Variants in BICRA observed in about 807,000 individuals in gnomAD.
BICRA encodes BRD4 interacting chromatin remodeling complex associated protein.
In BICRA, 31 loss-of-function variants were observed where a neutral mutation model predicts 96.9. That is an observed-to-expected ratio of 0.32 (90% CI 0.24 to 0.43). The LOEUF is 0.43. Ranked by LOEUF, BICRA falls within the 20% of genes least tolerant of loss-of-function variation. The pLI is 1.00. For synonymous variants in BICRA, 1,350 were observed against 1,071.8 expected (o/e 1.26, Z -5.07); for missense variants, 2,283 against 2,190.3 (o/e 1.04, Z -0.84).
intron 1 of BICRA, among the ~76,000 whole-genome samples, chr19:47,651,772 G>A (rs1485076222): frequency 6.6e-6 from 1 of 152,222 alleles, no homozygotes; most frequent in Admixed American, 6.5e-5. Context: ...GCACGAGAGG[G>A]TTGGGCAGAC....
At chr19:47,683,275 C>T (rs981097267) in intron 7 of BICRA, among the ~76,000 whole-genome samples, 13 of 151,944 alleles carry the variant, frequency 8.6e-5, no homozygotes, top group Middle Eastern at 3.4e-3. Flanking sequence ...TTTTTTCCCC[C>T]GCCCCCCGCA....
chr19:47,648,317 G>C (rs562393695), intron 1 of BICRA, among the ~76,000 whole-genome samples: 1 of 151,870 alleles, frequency 6.6e-6, no homozygotes, highest in Non-Finnish European at 1.5e-5. Flanking sequence ...GATGTGTCCC[G>C]GTCAGGCCTA....
chr19:47,647,213 T>C (rs1030388972), intron 1 of BICRA, among the ~76,000 whole-genome samples: 1 of 152,148 alleles, frequency 6.6e-6, no homozygotes, highest in African/African-American at 2.4e-5. Flanking sequence ...GTTTTTTTTT[T>C]CCAGTTTGCA....
intron 1 of BICRA, among the ~76,000 whole-genome samples, chr19:47,646,266 A>T (rs1357973740): frequency 6.6e-6 from 1 of 152,118 alleles, no homozygotes; most frequent in African/African-American, 2.4e-5. Context: ...TCTGCCTCAC[A>T]GTGTGGACAC....
At chr19:47,653,204 G>A (rs187821545) in intron 1 of BICRA, among the ~76,000 whole-genome samples, 1 of 151,698 alleles carries the variant, frequency 6.6e-6, no homozygotes, top group Non-Finnish European at 1.5e-5. Context: ...TTGTATTTTA[G>A]TAGAGATGGG....
intron 1 of BICRA, among the ~76,000 whole-genome samples, chr19:47,620,954 C>CT (rs1302340896): frequency 6.6e-6 from 1 of 152,166 alleles, no homozygotes; most frequent in African/African-American, 2.4e-5. Context: ...CACTCGATCT[C>CT]TGTCTACGGC....
In BICRA at chr19:47,698,708, A is replaced by C; in HGVS notation, c.3323A>C (p.Glu1108Ala). ...PDYKTAFPSF[E>A]DALHRLLPYH... ...TACAAGACGGCCTTCCCCTCCTTTG[A>C]GGACGCCCTGCATCGCCTCCTGCCC... is the stretch of plus-strand genomic sequence containing the variant. The change falls in exon 12 of 15, where the codon GAG becomes GCG. Residue 1108 changes from glutamate to alanine, a missense_variant. Coordinates refer to ENST00000594866, the MANE Select transcript of BICRA (RefSeq NM_001394372.1). The surrounding 1 kb of genome is among the most constrained non-coding windows in gnomAD (Gnocchi z 4.8). The C allele has an allele frequency of 6.2e-7, 1 of 1,603,994 alleles. No homozygotes were observed. The highest frequency in any genetic ancestry group is 8.5e-7 in the Non-Finnish European group (1 of 1,171,176).
intron 7 of BICRA, among the ~76,000 whole-genome samples, chr19:47,689,961 T>A (rs951372625): frequency 6.6e-6 from 1 of 152,162 alleles, no homozygotes; most frequent in Non-Finnish European, 1.5e-5. Context: ...ATTTTGGCGT[T>A]CTACACGAAG....
intron 1 of BICRA, among the ~76,000 whole-genome samples, chr19:47,623,296 T>G (rs983063550): frequency 6.6e-6 from 1 of 152,156 alleles, no homozygotes. Flanking sequence ...GTGCTGTGTT[T>G]AGAGGGTCGC....
intron 1 of BICRA, among the ~76,000 whole-genome samples, chr19:47,622,599 C>G (rs1386760000): frequency 1.3e-5 from 2 of 151,290 alleles, no homozygotes; most frequent in African/African-American, 4.9e-5. Flanking sequence ...TGGCTGGCGC[C>G]TGTAGTCCCA....
At position 47,702,365 on chromosome 19, in the gene BICRA, C is replaced by A; in HGVS notation, c.4633C>A (p.Pro1545Thr). The change falls in exon 15 of 15, where the codon CCA becomes ACA. Residue 1545 changes from proline (P) to threonine (T), a missense_variant. Physicochemically the swap from Pro to Thr is conservative, Grantham distance 38 (BLOSUM62 -1). Coordinates refer to ENST00000594866, the MANE Select transcript of BICRA (RefSeq NM_001394372.1). ...PPPLHRPEAYPPSSHNGGLGA... is the reference protein window; with the variant it reads ...PPPLHRPEAYTPSSHNGGLGA... ...GCCCCTGCACAGGCCCGAGGCCTAC[C>A]CACCCTCCAGTCACAACGGTGGCCT... The A allele has an allele frequency of 6.5e-7, 1 of 1,529,652 alleles. No homozygotes were observed. The highest frequency in any genetic ancestry group is 8.7e-7 in the Non-Finnish European group (1 of 1,149,466). The allele number at this position is 1,529,652 out of a possible 1,614,324, so 94.8% of individuals were successfully genotyped here. A position where few individuals can be genotyped will look rare whatever the true frequency, so the allele number is the denominator to read the frequency against.
chr19:47,625,666 G>A (rs2914019), intron 1 of BICRA, among the ~76,000 whole-genome samples: 2 of 152,290 alleles, frequency 1.3e-5, no homozygotes, highest in East Asian at 3.9e-4. Context: ...AGGAAAGAAG[G>A]TGAGGGAAGG....
Position 47,680,022 on chromosome 19 carries a change from G to T in BICRA, c.852G>T (p.Gly284=). 1 of 1,534,722 alleles carries T rather than the reference G, an allele frequency of 6.5e-7. No homozygotes were observed. Among genetic ancestry groups the T allele is most frequent in the Non-Finnish European group, 8.7e-7 (1 of 1,151,380 alleles). Residue 284 remains glycine (G), a synonymous_variant, in exon 6 of 15, where the codon GGG becomes GGT. Coordinates refer to ENST00000594866, the MANE Select transcript of BICRA (RefSeq NM_001394372.1). The stretch of plus-strand genomic sequence containing the variant: ...CGTCGGCCGGTGTCTCGCCACAGGG[G>T]GCTGGCCTGGTCATCCAGAAGAACC... ...TLASAGVSPQ[G]AGLVIQKNLS...
At chr19:47,658,655 C>A (rs887112241) in intron 1 of BICRA, among the ~76,000 whole-genome samples, 6 of 140,346 alleles carry the variant, frequency 4.3e-5, no homozygotes, top group Non-Finnish European at 9.0e-5. Flanking sequence ...AAAAAAAAAG[C>A]AGCAGCAGCT....
chr19:47,657,586 C>T (rs1044138736), intron 1 of BICRA, among the ~76,000 whole-genome samples: 7 of 151,864 alleles, frequency 4.6e-5, no homozygotes, highest in East Asian at 1.9e-4. Flanking sequence ...TTAGTAAAGA[C>T]GGAGTTTCAC....
Position 47,701,028 on chromosome 19 carries a change from T to G in BICRA, c.3596-300T>G. ...CCTGGGCTCAAGCGATCCCCCTCCC[T>G]TGGCCTCCCAAAGTGCTGGGATTAC... On this transcript the variant is annotated intron_variant, in intron 14 of 14. Coordinates refer to ENST00000594866, the MANE Select transcript of BICRA (RefSeq NM_001394372.1). The surrounding 1 kb of genome is among the most constrained non-coding windows in gnomAD (Gnocchi z 5.4). 2.3e-6 allele frequency: 1 copy of G among 433,542 alleles called. No homozygotes were observed. The highest frequency in any genetic ancestry group is 4.1e-6 in the Non-Finnish European group (1 of 242,240). 26.9% of individuals were successfully genotyped at this position (433,542 alleles called of 1,614,324 possible).
intron 1 of BICRA, among the ~76,000 whole-genome samples, chr19:47,629,381 T>A (rs1420022593): frequency 6.6e-6 from 1 of 152,226 alleles, no homozygotes; most frequent in Non-Finnish European, 1.5e-5. Flanking sequence ...TTTCTGTCTC[T>A]ATGAATTTGA....
At chr19:47,647,614 T>G (rs1401192051) in intron 1 of BICRA, among the ~76,000 whole-genome samples, 1 of 152,092 alleles carries the variant, frequency 6.6e-6, no homozygotes, top group African/African-American at 2.4e-5. Flanking sequence ...CTCTCTCTCC[T>G]TGGCACGTGT....
In BICRA at chr19:47,702,477, C is replaced by T. The variant is rs894887817; in HGVS notation, c.*62C>T. ...GAAGACGCCGGGACAGTCGGGTGTCCGCCCTCAGCCTCCTGGGGACTCGAG... is the reference window on the plus strand; with the variant it reads ...GAAGACGCCGGGACAGTCGGGTGTCTGCCCTCAGCCTCCTGGGGACTCGAG... On this transcript the variant is annotated 3_prime_UTR_variant, in exon 15 of 15. Transcript: ENST00000594866. The T allele has an allele frequency of 1.9e-5, 27 of 1,404,874 alleles. No homozygotes were observed. Among genetic ancestry groups the T allele is most frequent in the African/African-American group, 4.6e-5 (3 of 65,654 alleles). 87.0% of individuals were successfully genotyped at this position (1,404,874 alleles called of 1,614,324 possible).
Sources: gnomAD v4.1 joint callset for allele counts (sites outside exome capture counted in the v4.1 genomes callset) on GRCh38, gnomAD v4.1.1 for gene constraint, Gnocchi (gnomAD v3.1) non-coding constraint, MANE v1.5 for transcripts, NCBI Gene and HGNC (gene_info 2026-07-23, HGNC 2026-07-21) for gene names.